KIF17: variants seen among roughly 807,000 people sequenced by gnomAD.
KIF17 encodes the protein kinesin-like protein KIF17.
A neutral mutation model predicts 96.8 loss-of-function variants in KIF17; 80 were observed. The ratio of observed to expected loss-of-function variants is 0.83; its 90% CI spans 0.69 to 1.00. KIF17 has a LOEUF of 1.00. Ranked by LOEUF, KIF17 falls within the 50% of genes least tolerant of loss-of-function variation. KIF17 has a pLI of 0.00. For missense variants in KIF17, 1,280 were observed against 1,372.9 expected, an observed-to-expected ratio of 0.93 and a Z score of 1.07; for synonymous variants, 567 against 587.5, an observed-to-expected ratio of 0.97 and a Z score of 0.51.
Position 20,679,599 on chromosome 1 carries a change from G to T in KIF17, c.2463+3054C>A, listed in dbSNP as rs74058955. The stretch of plus-strand genomic sequence containing the variant: ...AGGAGTGGAGTCAGAGACATTCCAC[G>T]CGTGAGAGGGACTGCTTCCCACTCT... On this transcript the variant is annotated intron_variant, in intron 11 of 14. Coordinates refer to ENST00000400463, the MANE Select transcript of KIF17 (RefSeq NM_001122819.3). 5.0e-3 allele frequency among the ~76,000 whole-genome samples: 757 copies of T among 152,296 alleles called. 2 individuals are homozygous for T. The highest frequency in any genetic ancestry group is 0.017 in the African/African-American group (699 of 41,566).
rs1051378738 is a variant in KIF17, at chr1:20,666,305, G to A, written c.2817C>T (p.Leu939=). 7.5e-5 allele frequency: 121 copies of A among 1,614,008 alleles called. No individual in the cohort carries two copies. Among genetic ancestry groups the A allele is most frequent in the Non-Finnish European group, 9.8e-5 (116 of 1,179,942 alleles). The change falls in exon 14 of 15, where the codon CTC becomes CTT. Residue 939 remains leucine, a synonymous_variant. Coordinates refer to ENST00000400463, the MANE Select transcript of KIF17 (RefSeq NM_001122819.3). ...NMEDDRYRLM[L]SRSNSENIAS... is the part of the protein sequence containing the mutation. ...CAATGTTTTCACTGTTGCTCCGACT[G>A]AGCATGAGCCTGTAGCGGTCGTCCT...
chr1:20,684,444 C>T (rs1039212295), intron 10 of KIF17, among the ~76,000 whole-genome samples: 11 of 152,238 alleles, frequency 7.2e-5, no homozygotes, highest in Non-Finnish European at 1.0e-4. Flanking sequence ...GCTCCCCCGG[C>T]GGTCCCAGAG....
Position 20,686,084 on chromosome 1 carries a change from G to C in KIF17, c.1981C>G (p.Pro661Ala). 1 of 1,565,596 alleles carries C rather than the reference G, an allele frequency of 6.4e-7. No homozygotes were observed. Among genetic ancestry groups the C allele is most frequent in the Admixed American group, 1.9e-5 (1 of 52,740 alleles). The change falls in exon 9 of 15, where the codon CCC becomes GCC. Residue 661 changes from proline (P) to alanine (A), a missense_variant. Transcript: ENST00000400463. ...AAGTCATCAGCCGCCTCGGCTTCGG[G>C]CCTGGCATCACTGGGCTCCAGCAGG... Reference protein sequence around the residue: ...TDLLEPSDARPEAEAADDFPP... With the variant: ...TDLLEPSDARAEAEAADDFPP...
At chr1:20,661,630 G>C (rs1013588231), downstream of KIF17, 3 of 520,712 alleles carry the variant, frequency 5.8e-6, no homozygotes, top group African/African-American at 5.7e-5. Context: ...CTGCAGCCGC[G>C]GCCAATCAAC....
rs1465488780 is a variant in KIF17 at position 20,699,139 on chromosome 1, G to A, written c.1124-651C>T. Among the ~76,000 whole-genome samples the A allele has an allele frequency of 6.6e-6, 1 of 152,050 alleles. No individual in the cohort carries two copies. The highest frequency in any genetic ancestry group is 1.5e-5 in the Non-Finnish European group (1 of 68,018). Reference sequence around the variant, plus strand: ...TAATCTTTTATTTTTTGTAGAGATGGGGTCTCGCCATGTTGTCCAGGCTGG... The same window carrying A: ...TAATCTTTTATTTTTTGTAGAGATGAGGTCTCGCCATGTTGTCCAGGCTGG... On this transcript the variant is annotated intron_variant, in intron 5 of 14. Coordinates refer to ENST00000400463, the MANE Select transcript of KIF17 (RefSeq NM_001122819.3). This position sits in a 1 kb window ranked among gnomAD's most constrained non-coding sequence, Gnocchi z 4.3.
chr1:20,664,403 G>A lies in KIF17; in HGVS notation c.*181C>T, dbSNP rs1239588614. 3.3e-6 allele frequency: 5 copies of A among 1,502,262 alleles called. No homozygotes were observed. The highest frequency in any genetic ancestry group is 1.4e-5 in the African/African-American group (1 of 72,178). The allele number at this position is 1,502,262 out of a possible 1,614,324, so 93.1% of individuals were successfully genotyped here. On this transcript the variant is annotated 3_prime_UTR_variant, in exon 15 of 15. Transcript: ENST00000400463. The stretch of plus-strand genomic sequence containing the variant: ...ACTATACAGCCTCCGAGGGGCTCCT[G>A]CCCAGGGCGGAGGTGGGCTCTCTGG...
Position 20,717,584 on chromosome 1 carries a change from G to C in KIF17, c.123C>G (p.Asn41Lys). 1 of 1,611,604 alleles carries C rather than the reference G, an allele frequency of 6.2e-7. No individual in the cohort carries two copies. Among genetic ancestry groups the C allele is most frequent in the Non-Finnish European group, 8.5e-7 (1 of 1,179,598 alleles). ...DCARAQCCIQ[N>K]PGAADEPPKQ... ...TGGGCGGCTCGTCGGCGGCGCCCGGGTTCTGGATGCAGCACTGGGCGCGCG... is the reference window on the plus strand; with the variant it reads ...TGGGCGGCTCGTCGGCGGCGCCCGGCTTCTGGATGCAGCACTGGGCGCGCG... The change falls in exon 1 of 15, where the codon AAC becomes AAG. Residue 41 changes from asparagine to lysine, a missense_variant. Transcript: ENST00000400463.
At chr1:20,662,476 C>A (rs950988067), downstream of KIF17, among the ~76,000 whole-genome samples, 8 of 152,034 alleles carry the variant, frequency 5.3e-5, no homozygotes, top group Admixed American at 2.6e-4. Flanking sequence ...CTCCATACAT[C>A]TTCTTAACGG....
intron 5 of KIF17, among the ~76,000 whole-genome samples, chr1:20,702,103 G>A (rs1193634187): frequency 6.6e-6 from 1 of 152,168 alleles, no homozygotes; most frequent in East Asian, 1.9e-4. Context: ...GCCCACACAT[G>A]CATGACCTCA....
Position 20,712,615 on chromosome 1 carries a change from T to TC in KIF17, c.480+838_480+839insG, listed in dbSNP as rs1557606392. ...ATATCTATATATATCTATATATATA[T>TC]AATATAGATAATATCTATATATATA... is the stretch of plus-strand genomic sequence containing the variant. On this transcript the variant is annotated intron_variant, in intron 3 of 14. Coordinates refer to ENST00000400463, the MANE Select transcript of KIF17 (RefSeq NM_001122819.3). 1.3e-3 allele frequency among the ~76,000 whole-genome samples: 39 copies of TC among 30,528 alleles called. 5 individuals carry two copies. The highest frequency in any genetic ancestry group is 3.5e-3 in the African/African-American group (39 of 11,054). 20.0% of individuals were successfully genotyped at this position (30,528 alleles called of 152,430 possible). A position where few individuals can be genotyped will look rare whatever the true frequency, so the allele number is the denominator to read the frequency against.
intron 2 of KIF17, among the ~76,000 whole-genome samples, chr1:20,713,988 A>G (rs1310731942): frequency 6.6e-6 from 1 of 152,028 alleles, no homozygotes; most frequent in African/African-American, 2.4e-5. Flanking sequence ...GGAGTTCGAG[A>G]CCAGCCTGAC....
Position 20,709,855 on chromosome 1 carries a change from G to A in KIF17, c.481-27C>T, listed in dbSNP as rs758676084. 18 of 1,575,572 alleles carry A rather than the reference G, an allele frequency of 1.1e-5. No individual in the cohort carries two copies. Among genetic ancestry groups the A allele is most frequent in the East Asian group, 9.4e-5 (4 of 42,468 alleles). ...TGAGGGAGGAGGAACAGTCAGGGGC[G>A]GAACCTCCAGCCGCCAAGGGTTAGG... On this transcript the variant is annotated intron_variant, in intron 3 of 14. Transcript: ENST00000400463. The surrounding 1 kb of genome is among the most constrained non-coding windows in gnomAD (Gnocchi z 4.7).
downstream of KIF17, among the ~76,000 whole-genome samples, chr1:20,661,887 G>A (rs1225931257): frequency 1.3e-5 from 2 of 152,264 alleles, no homozygotes; most frequent in African/African-American, 4.8e-5. Context: ...CAGGGCACTT[G>A]GAGCCTCCTT....
intron 6 of KIF17, among the ~76,000 whole-genome samples, chr1:20,696,165 C>A (rs1301463319): frequency 1.3e-5 from 2 of 152,106 alleles, no homozygotes; most frequent in East Asian, 3.9e-4. Context: ...TGGTCCAAAC[C>A]CCTGGTTCAG....
At chr1:20,695,593 T>C (rs898184480) in intron 6 of KIF17, among the ~76,000 whole-genome samples, 2 of 151,522 alleles carry the variant, frequency 1.3e-5, no homozygotes. Context: ...TTCCCAACCC[T>C]CCTCTCCCCC....
chr1:20,680,053 C>T (rs2053803837), intron 11 of KIF17, among the ~76,000 whole-genome samples: 1 of 152,142 alleles, frequency 6.6e-6, no homozygotes. Flanking sequence ...GTCACGATCT[C>T]CGCTCACTGC....
intron 11 of KIF17, among the ~76,000 whole-genome samples, chr1:20,674,093 T>A (rs958689081): frequency 1.3e-5 from 2 of 152,004 alleles, no homozygotes; most frequent in Non-Finnish European, 2.9e-5. Flanking sequence ...CACGCCTAGC[T>A]AATTTTTTAA....
At position 20,685,320 on chromosome 1, in the gene KIF17, C is replaced by A; in HGVS notation, c.2020-300G>T. 1 of 568,826 alleles carries A rather than the reference C, an allele frequency of 1.8e-6. No homozygotes were observed. 35.2% of individuals were successfully genotyped at this position (568,826 alleles called of 1,614,324 possible). A position where few individuals can be genotyped will look rare whatever the true frequency, so the allele number is the denominator to read the frequency against. On this transcript the variant is annotated intron_variant, in intron 9 of 14. Transcript: ENST00000400463. The surrounding 1 kb of genome is among the most constrained non-coding windows in gnomAD (Gnocchi z 4.1). ...ATAGAAACCGATCACATCCCGTTCC[C>A]GATGAGCCCCATGTGACTTCCCGTC...
rs1278745470 is a variant in KIF17, at chr1:20,704,951, C to T, written c.671-52G>A. The T allele has an allele frequency of 2.0e-6, 3 of 1,522,122 alleles. No individual in the cohort carries two copies. Among genetic ancestry groups the T allele is most frequent in the Non-Finnish European group, 2.7e-6 (3 of 1,112,614 alleles). The allele number at this position is 1,522,122 out of a possible 1,614,324, so 94.3% of individuals were successfully genotyped here. A position where few individuals can be genotyped will look rare whatever the true frequency, so the allele number is the denominator to read the frequency against. ...AGGGCCTCGGGTGAGCCCTATGTATCGAGGGCAATCAGTGCCAGGCACTGG... is the reference window on the plus strand; with the variant it reads ...AGGGCCTCGGGTGAGCCCTATGTATTGAGGGCAATCAGTGCCAGGCACTGG... On this transcript the variant is annotated intron_variant, in intron 4 of 14. Coordinates refer to ENST00000400463, the MANE Select transcript of KIF17 (RefSeq NM_001122819.3). The surrounding 1 kb of genome is among the most constrained non-coding windows in gnomAD (Gnocchi z 6.8).
Sources: allele counts gnomAD v4.1 joint callset (sites outside exome capture counted in the v4.1 genomes callset), GRCh38; gene constraint gnomAD v4.1.1; non-coding constraint Gnocchi (gnomAD v3.1); transcripts MANE v1.5; gene names NCBI Gene and HGNC (gene_info 2026-07-23, HGNC 2026-07-21).